Variants in BSPRY observed in about 807,000 individuals in gnomAD.
BSPRY encodes B box and SPRY domain-containing protein.
BSPRY carries 33 observed loss-of-function variants against 38.0 expected under a neutral mutation model. That is an observed-to-expected ratio of 0.87 (90% CI 0.66 to 1.16). The LOEUF (loss-of-function observed/expected upper bound fraction) is 1.16. Among genes scored for constraint, BSPRY ranks in the 50% most tolerant of loss-of-function variants. The pLI is 0.00. For missense variants in BSPRY, 523 were observed against 533.2 expected, an observed-to-expected ratio of 0.98 and a Z score of 0.19; for synonymous variants, 224 against 228.5, an observed-to-expected ratio of 0.98 and a Z score of 0.18.
intron 4 of BSPRY, among the ~76,000 whole-genome samples, chr9:113,365,802 CTTTTTTTTT>C (rs139762130): frequency 9.4e-6 from 1 of 106,740 alleles, no homozygotes; most frequent in Non-Finnish European, 1.8e-5. Flanking sequence ...GTCACAGCTT[CTTTTTTTTT>C]TTTTTTTTTT....
At chr9:113,357,584 G>A (rs1286951853) in intron 2 of BSPRY, among the ~76,000 whole-genome samples, 2 of 152,022 alleles carry the variant, frequency 1.3e-5, no homozygotes, top group Non-Finnish European at 2.9e-5. Context: ...TTTCTTAAGG[G>A]TTTACTTAAG....
chr9:113,349,894 G>T, intron 1 of BSPRY, 114 bp downstream of exon 1: 2 of 1,174,154 alleles, frequency 1.7e-6, no homozygotes, highest in Non-Finnish European at 2.1e-6. Context: ...CCCGGCCCCG[G>T]AGCCTAGGCT....
chr9:113,362,842 T>C (rs1439072079), intron 4 of BSPRY, among the ~76,000 whole-genome samples: 1 of 152,224 alleles, frequency 6.6e-6, no homozygotes, highest in African/African-American at 2.4e-5. Flanking sequence ...AAGTCTGCAT[T>C]ACCATTCAGA....
At chr9:113,349,820 A>T in intron 1 of BSPRY, 40 bp downstream of exon 1, 1 of 1,211,028 alleles carries the variant, frequency 8.3e-7, no homozygotes, top group Non-Finnish European at 1.0e-6. Flanking sequence ...GGCTCCGGAG[A>T]CCCCGGGCGC....
chr9:113,358,225 G>A (rs1011050189), intron 2 of BSPRY, among the ~76,000 whole-genome samples: 6 of 150,836 alleles, frequency 4.0e-5, no homozygotes, highest in African/African-American at 1.5e-4. Flanking sequence ...TCTAGCCTGG[G>A]TGACAGAGCG....
chr9:113,369,038 A>G (rs1245030974), intron 5 of BSPRY, among the ~76,000 whole-genome samples: 2 of 151,312 alleles, frequency 1.3e-5, no homozygotes, highest in Non-Finnish European at 2.9e-5. Flanking sequence ...TATCCTTACA[A>G]TTTTGGTAGA....
intron 4 of BSPRY, 114 bp downstream of exon 4, chr9:113,362,508 A>C (rs1376154860): frequency 1.7e-6 from 2 of 1,173,180 alleles, no homozygotes; most frequent in Non-Finnish European, 2.5e-6. Flanking sequence ...TGTGCAGCTG[A>C]GTGGCTTTTC....
chr9:113,363,216 C>T (rs1834182830), intron 4 of BSPRY, among the ~76,000 whole-genome samples: 1 of 151,538 alleles, frequency 6.6e-6, no homozygotes, highest in Non-Finnish European at 1.5e-5. Context: ...GAGGCCAAGG[C>T]AGGATGGTAG....
At position 113,369,829 on chromosome 9, in the gene BSPRY, A is replaced by G; in HGVS notation, c.896A>G (p.Lys299Arg). Residue 299 changes from lysine to arginine, a missense_variant, in exon 6 of 6, where the codon AAG (lysine) becomes AGG (arginine). Coordinates refer to ENST00000374183, the MANE Select transcript of BSPRY (RefSeq NM_017688.3). ...MVNVQNSCAY[K>R]VGVASGHLPR... ...AATGTCCAGAACAGTTGTGCCTATA[A>G]GGTGGGCGTGGCTTCAGGCCACCTG... 6.2e-7 allele frequency: 1 copy of G among 1,614,214 alleles called. No individual in the cohort carries two copies. Among genetic ancestry groups the G allele is most frequent in the Non-Finnish European group, 8.5e-7 (1 of 1,180,018 alleles).
chr9:113,365,723 G>A (rs975045105), intron 4 of BSPRY, among the ~76,000 whole-genome samples: 3 of 114,248 alleles, frequency 2.6e-5, no homozygotes, highest in African/African-American at 1.0e-4. Flanking sequence ...ACTAGGAAGG[G>A]AGAAAGAGAA....
intron 4 of BSPRY, among the ~76,000 whole-genome samples, chr9:113,363,976 G>A (rs570643141): frequency 6.6e-6 from 1 of 151,532 alleles, no homozygotes; most frequent in East Asian, 1.9e-4. Context: ...ATCGCTTGAG[G>A]TCAGGAGTTC....
chr9:113,369,998 T>C lies in BSPRY; in HGVS notation c.1065T>C (p.Gly355=), dbSNP rs1387196823. Residue 355 remains glycine, a synonymous_variant, in exon 6 of 6, where the codon GGT becomes GGC. Coordinates refer to ENST00000374183, the MANE Select transcript of BSPRY (RefSeq NM_017688.3). Reference sequence around the variant, plus strand: ...TGCTGCGGGGCCCAGCCCAGCTGGGTGTAGTGCTGGACTTGCAGGTTCAGG... The same window carrying C: ...TGCTGCGGGGCCCAGCCCAGCTGGGCGTAGTGCTGGACTTGCAGGTTCAGG... ...LGLLRGPAQL[G]VVLDLQVQEL... 6.2e-7 allele frequency: 1 copy of C among 1,614,104 alleles called. No individual in the cohort carries two copies. Among genetic ancestry groups the C allele is most frequent in the East Asian group, 2.2e-5 (1 of 44,880 alleles).
At chr9:113,363,458 A>G (rs967063232) in intron 4 of BSPRY, among the ~76,000 whole-genome samples, 4 of 152,164 alleles carry the variant, frequency 2.6e-5, no homozygotes, top group African/African-American at 9.7e-5. Context: ...AAGAAAAAAG[A>G]AAAAGAAAAA....
chr9:113,358,075 C>A (rs1186313698), intron 2 of BSPRY, among the ~76,000 whole-genome samples: 1 of 149,666 alleles, frequency 6.7e-6, no homozygotes, highest in Admixed American at 6.6e-5. Flanking sequence ...TAGCAAGACC[C>A]TATCTCTACA....
intron 2 of BSPRY, among the ~76,000 whole-genome samples, chr9:113,357,594 G>C (rs1008169236): frequency 6.6e-6 from 1 of 152,090 alleles, no homozygotes; most frequent in African/African-American, 2.4e-5. Flanking sequence ...GTTTACTTAA[G>C]ATAAAGTTGT....
At chr9:113,355,481 C>G (rs1212315956) in intron 2 of BSPRY, among the ~76,000 whole-genome samples, 3 of 152,186 alleles carry the variant, frequency 2.0e-5, no homozygotes, top group Non-Finnish European at 4.4e-5. Flanking sequence ...CTATGCTTTG[C>G]TTTTGCATGA....
chr9:113,368,555 G>C (rs1171049389), intron 5 of BSPRY, among the ~76,000 whole-genome samples, 172 bp downstream of exon 5: 2 of 152,218 alleles, frequency 1.3e-5, no homozygotes, highest in Non-Finnish European at 2.9e-5. Flanking sequence ...GCCTGGGGCA[G>C]CTGGGCCAAG....
Position 113,357,924 on chromosome 9 carries a change from ATATATATATATATATATATC to A in BSPRY, c.301-2581_301-2562del, listed in dbSNP as rs1288924509. On this transcript the variant is annotated intron_variant, in intron 2 of 5. Coordinates refer to ENST00000374183, the MANE Select transcript of BSPRY (RefSeq NM_017688.3). ...TATATATATATATATATATATATAT[ATATATATATATATATATATC>A]TCTATTAAGCTTATTCATTGGGCTG... Among the ~76,000 whole-genome samples the A allele has an allele frequency of 1.2e-3, 29 of 24,388 alleles. No homozygotes were observed. In the East Asian group the frequency reaches 0.014, roughly 12 times the overall value. 16.0% of individuals were successfully genotyped at this position (24,388 alleles called of 152,430 possible). A position where few individuals can be genotyped will look rare whatever the true frequency, so the allele number is the denominator to read the frequency against.
intron 5 of BSPRY, 47 bp from the exon 6 acceptor site, chr9:113,369,569 T>G: frequency 6.4e-7 from 1 of 1,554,810 alleles, no homozygotes; most frequent in Non-Finnish European, 8.7e-7. Context: ...AGGACCAGGT[T>G]AGGGCAGGGG....
Sources: allele counts gnomAD v4.1 joint callset (sites outside exome capture counted in the v4.1 genomes callset), GRCh38; gene constraint gnomAD v4.1.1; transcripts MANE v1.5; gene names NCBI Gene and HGNC (gene_info 2026-07-23, HGNC 2026-07-21).